CDKL2: variants seen among roughly 807,000 people sequenced by gnomAD.
The protein encoded by CDKL2 is cyclin-dependent kinase-like 2.
In CDKL2, 64 loss-of-function variants were observed where a neutral mutation model predicts 63.9. The observed-to-expected ratio is 1.00, with a 90% CI of 0.82 to 1.23. CDKL2 has a LOEUF of 1.23. Among genes scored for constraint, CDKL2 ranks in the 50% most tolerant of loss-of-function variants. CDKL2 has a pLI of 0.00. For missense variants in CDKL2, 656 were observed against 668.0 expected, an observed-to-expected ratio of 0.98 and a Z score of 0.20; for synonymous variants, 211 against 229.2, an observed-to-expected ratio of 0.92 and a Z score of 0.72.
At chr4:75,621,789 T>G (rs1730169349) in intron 2 of CDKL2, among the ~76,000 whole-genome samples, 1 of 152,196 alleles carries the variant, frequency 6.6e-6, no homozygotes, top group South Asian at 2.1e-4. Context: ...AGATTTGCTT[T>G]AAGGAAAATA....
At chr4:75,588,143 G>A (rs1262498902) in intron 12 of CDKL2, among the ~76,000 whole-genome samples, 2 of 151,508 alleles carry the variant, frequency 1.3e-5, no homozygotes, top group African/African-American at 2.4e-5. Flanking sequence ...GAACCCAGGA[G>A]GCGGAGGTTG....
rs1481058519 is a variant in CDKL2, at chr4:75,598,116, A to G, written c.981T>C (p.Asp327=). The G allele has an allele frequency of 3.2e-6, 5 of 1,557,128 alleles. No homozygotes were observed. Among genetic ancestry groups the G allele is most frequent in the Non-Finnish European group, 4.4e-6 (5 of 1,143,280 alleles). The change falls in exon 8 of 14, where the codon GAT becomes GAC. Residue 327 remains aspartate (D), a synonymous_variant. Transcript: ENST00000307465. ...TTTTTCTTTCTTCAACTAAGGAATC[A>G]TCTTTTTCTTTTTCCTTCTTTCTGT... The part of the protein sequence containing the change: ...SQNRKKEKEK[D]DSLVEERKTL...
Position 75,607,099 on chromosome 4 carries a change from G to A in CDKL2, c.542+84C>T, listed in dbSNP as rs923025445. ...CAAGCCTTCCTTTCAGTATTAGAGGGATCATTTACTATATCATAAACATAT... is the reference window on the plus strand; with the variant it reads ...CAAGCCTTCCTTTCAGTATTAGAGGAATCATTTACTATATCATAAACATAT... On this transcript the variant is annotated intron_variant, in intron 4 of 13. Transcript: ENST00000307465. 6 of 1,096,886 alleles carry A rather than the reference G, an allele frequency of 5.5e-6. No homozygotes were observed. The African/African-American group carries it at 9.4e-5, about 17-fold the overall frequency. The allele number at this position is 1,096,886 out of a possible 1,614,324, so 67.9% of individuals were successfully genotyped here. A position where few individuals can be genotyped will look rare whatever the true frequency, so the allele number is the denominator to read the frequency against.
chr4:75,589,299 C>CTT (rs34052339), intron 12 of CDKL2, among the ~76,000 whole-genome samples: 438 of 88,374 alleles, frequency 5.0e-3, no homozygotes, highest in Non-Finnish European at 5.6e-3. Context: ...TTGATAGTTT[C>CTT]TTTTTTTTTT....
intron 3 of CDKL2, among the ~76,000 whole-genome samples, chr4:75,609,621 AATATTATATAGATATATATCATATATGAT>A (rs1400679972): frequency 2.7e-5 from 4 of 147,756 alleles, no homozygotes; most frequent in African/African-American, 9.8e-5. Flanking sequence ...ATATATAAAA[AATATTATATAGATATATATCATATATGAT>A]ATATTATATA....
intron 1 of CDKL2, among the ~76,000 whole-genome samples, chr4:75,627,425 C>T (rs991396636): frequency 2.0e-5 from 3 of 151,986 alleles, no homozygotes; most frequent in Non-Finnish European, 2.9e-5. Flanking sequence ...GCGTGAGCCA[C>T]CACACCCGGG....
chr4:75,599,548 CAAAAAA>C (rs71657365), intron 7 of CDKL2, among the ~76,000 whole-genome samples: 8 of 69,656 alleles, frequency 1.1e-4, no homozygotes, highest in Admixed American at 4.1e-4. Flanking sequence ...GCAACAAGAG[CAAAAAA>C]AAAAAAAAAA....
chr4:75,614,558 G>GA, intron 2 of CDKL2, 109 bp from the exon 3 acceptor site: 3 of 664,552 alleles, frequency 4.5e-6, no homozygotes, highest in Non-Finnish European at 7.4e-6. Context: ...CTCAGCGTAA[G>GA]AAAAATATAT....
intron 3 of CDKL2, 44 bp downstream of exon 3, chr4:75,614,211 G>T: frequency 8.0e-7 from 1 of 1,252,672 alleles, no homozygotes; most frequent in South Asian, 1.4e-5. Flanking sequence ...AAGGATTAAT[G>T]AATAAATATG....
chr4:75,603,744 TAAAAAAA>T, intron 6 of CDKL2, 66 bp downstream of exon 6: 1 of 608,088 alleles, frequency 1.6e-6, no homozygotes, highest in Non-Finnish European at 2.4e-6. Flanking sequence ...ACTAGACAAG[TAAAAAAA>T]AAAAAAAAAG....
chr4:75,611,901 G>A (rs962303229), intron 3 of CDKL2, among the ~76,000 whole-genome samples: 4 of 150,894 alleles, frequency 2.7e-5, no homozygotes, highest in African/African-American at 4.9e-5. Context: ...TGATCCACCC[G>A]CCTCGGCCTC....
In CDKL2 at chr4:75,578,066, A is replaced by G. The variant is rs957128251; in HGVS notation, c.*1136T>C. 1 of 152,126 alleles carries G rather than the reference A, an allele frequency of 6.6e-6. No individual in the cohort carries two copies. Among genetic ancestry groups the G allele is most frequent in the African/African-American group, 2.4e-5 (1 of 41,416 alleles). The allele number at this position is 152,126 out of a possible 1,614,324, so 9.4% of individuals were successfully genotyped here. On this transcript the variant is annotated 3_prime_UTR_variant, in exon 14 of 14. Transcript: ENST00000307465. ...TTCTCTAAAATGATAAATGCAGAGC[A>G]TGTGTAGAAACCCAGAAATCAAGAA... is the stretch of plus-strand genomic sequence containing the variant.
chr4:75,626,044 CA>C lies in CDKL2; in HGVS notation c.-29-28del, dbSNP rs1396082236. 10 of 1,429,446 alleles carry C rather than the reference CA, an allele frequency of 7.0e-6. No homozygotes were observed. In the Admixed American group the frequency reaches 1.9e-4, roughly 27 times the overall value. The allele number at this position is 1,429,446 out of a possible 1,614,324, so 88.5% of individuals were successfully genotyped here. On this transcript the variant is annotated intron_variant, in intron 1 of 13. Coordinates refer to ENST00000307465, the MANE Select transcript of CDKL2 (RefSeq NM_001330724.2). ...TGTGAAAACCAAAACATAGATTTAA[CA>C]AAGTTGAGTACGTTAATTTCCTCCG...
chr4:75,619,577 T>TAAAAAAAAAA (rs71203836), intron 2 of CDKL2, among the ~76,000 whole-genome samples: 1 of 78,160 alleles, frequency 1.3e-5, no homozygotes, highest in Admixed American at 1.8e-4. Context: ...CACAGCTGTA[T>TAAAAAAAAAA]AAAAAAAAAA....
chr4:75,616,221 T>C (rs1487929989), intron 2 of CDKL2, among the ~76,000 whole-genome samples: 1 of 151,600 alleles, frequency 6.6e-6, no homozygotes, highest in Non-Finnish European at 1.5e-5. Context: ...GAGGGATAGC[T>C]TGAGGCCAGG....
chr4:75,599,554 A>G (rs1729092998), intron 7 of CDKL2, among the ~76,000 whole-genome samples: 2 of 149,152 alleles, frequency 1.3e-5, no homozygotes, highest in South Asian at 4.2e-4. Flanking sequence ...AGAGCAAAAA[A>G]AAAAAAAAAA....
At chr4:75,627,227 T>C (rs993279449) in intron 1 of CDKL2, among the ~76,000 whole-genome samples, 7 of 151,890 alleles carry the variant, frequency 4.6e-5, no homozygotes, top group Non-Finnish European at 8.8e-5. Flanking sequence ...ACAATTCCTT[T>C]TCACTCAAAG....
At position 75,608,716 on chromosome 4, in the gene CDKL2, G is replaced by A. The variant is rs188905312; in HGVS notation, c.364-1355C>T. The stretch of plus-strand genomic sequence containing the variant: ...ACAATAAATCAAAAATCAATAGGCC[G>A]CACGCAGTGGCTCAAGCCTGTAATC... On this transcript the variant is annotated intron_variant, in intron 3 of 13. Coordinates refer to ENST00000307465, the MANE Select transcript of CDKL2 (RefSeq NM_001330724.2). 1.2e-3 allele frequency among the ~76,000 whole-genome samples: 184 copies of A among 152,128 alleles called. 1 individual carries two copies. The highest frequency in any genetic ancestry group is 4.2e-3 in the African/African-American group (176 of 41,536).
Position 75,626,033 on chromosome 4 carries a change from CA to C in CDKL2, c.-29-17del, listed in dbSNP as rs770428386. On this transcript the variant is annotated splice_polypyrimidine_tract_variant and intron_variant, in intron 1 of 13. Transcript: ENST00000307465. ...AAACTTTTTGCTGTGAAAACCAAAA[CA>C]TAGATTTAACAAAGTTGAGTACGTT... is the stretch of plus-strand genomic sequence containing the variant. 1.7e-5 allele frequency: 26 copies of C among 1,516,086 alleles called. No individual in the cohort carries two copies. In the South Asian group the frequency reaches 3.0e-4, roughly 17 times the overall value. The allele number at this position is 1,516,086 out of a possible 1,614,324, so 93.9% of individuals were successfully genotyped here.
Sources: gnomAD v4.1 joint callset for allele counts (sites outside exome capture counted in the v4.1 genomes callset) on GRCh38, gnomAD v4.1.1 for gene constraint, MANE v1.5 for transcripts, NCBI Gene and HGNC (gene_info 2026-07-23, HGNC 2026-07-21) for gene names.